Variants in ZNF662 observed in about 807,000 individuals in gnomAD.
ZNF662 encodes zinc finger protein 662.
In ZNF662, 14 loss-of-function variants were observed where a neutral mutation model predicts 12.4. The observed-to-expected ratio is 1.13, with a 90% CI of 0.75 to 1.77. ZNF662 has a LOEUF of 1.77. Ranked by LOEUF, ZNF662 falls within the 40% of genes most tolerant of loss-of-function variation. The probability of loss-of-function intolerance (pLI) is 0.00; values close to 1 mark genes in which losing one functional copy is unlikely to be tolerated. For synonymous variants in ZNF662, 184 were observed against 176.4 expected, an observed-to-expected ratio of 1.04 and a Z score of -0.34; for missense variants, 550 against 515.6, an observed-to-expected ratio of 1.07 and a Z score of -0.65.
Position 42,915,519 on chromosome 3 carries a change from G to C in ZNF662, c.*165G>C. 2 of 623,776 alleles carry C rather than the reference G, an allele frequency of 3.2e-6. No individual in the cohort carries two copies. Among genetic ancestry groups the C allele is most frequent in the Non-Finnish European group, 5.3e-6 (2 of 378,036 alleles). The allele number at this position is 623,776 out of a possible 1,614,324, so 38.6% of individuals were successfully genotyped here. A position where few individuals can be genotyped will look rare whatever the true frequency, so the allele number is the denominator to read the frequency against. On this transcript the variant is annotated 3_prime_UTR_variant, in exon 5 of 5. Transcript: ENST00000440367. ...GTACTCTAGCAAGACTGGTCCCTCT[G>C]TTCTATGATGTTTTAACAAGGCATC...
At position 42,914,379 on chromosome 3, in the gene ZNF662, T is replaced by C. The variant is rs1460152514; in HGVS notation, c.306T>C (p.Ile102=). 1 of 1,608,420 alleles carries C rather than the reference T, an allele frequency of 6.2e-7. No individual in the cohort carries two copies. The highest frequency in any genetic ancestry group is 2.2e-5 in the East Asian group (1 of 44,852). ...ATTTTATTCTGAAGGAGGAAATTAT[T>C]GAGGAAGCACAGGACCTCATGGTCC... is the stretch of plus-strand genomic sequence containing the variant. ...KEDFILKEEI[I]EEAQDLMVLS... is the part of the protein sequence containing the mutation. The change falls in exon 5 of 5, where the codon ATT becomes ATC. Residue 102 remains isoleucine (I), a synonymous_variant. Coordinates refer to ENST00000440367, the MANE Select transcript of ZNF662 (RefSeq NM_207404.4).
rs778875901 is a variant in ZNF662 at position 42,914,768 on chromosome 3, G to T, written c.695G>T (p.Arg232Leu). 3.7e-6 allele frequency: 6 copies of T among 1,612,902 alleles called. No individual in the cohort carries two copies. The Admixed American group carries it at 5.0e-5, about 13-fold the overall frequency. ...CKECGKAFSF[R>L]SHCIAHQRIH... Reference sequence around the variant, plus strand: ...GAATGTGGGAAGGCTTTCAGTTTTCGATCACATTGCATTGCACATCAGAGA... The same window carrying T: ...GAATGTGGGAAGGCTTTCAGTTTTCTATCACATTGCATTGCACATCAGAGA... Residue 232 changes from arginine (R) to leucine (L), a missense_variant, in exon 5 of 5, where the codon CGA becomes CTA. Physicochemically the swap from Arg to Leu is moderately radical, Grantham distance 102 (BLOSUM62 -2). Transcript: ENST00000440367.
At chr3:42,909,946 G>A (rs1159732332) in intron 3 of ZNF662, among the ~76,000 whole-genome samples, 3 of 152,138 alleles carry the variant, frequency 2.0e-5, no homozygotes, top group African/African-American at 4.8e-5. Context: ...CTTCCTAGAC[G>A]GGGTGGCGGC....
chr3:42,915,257 A>G lies in ZNF662; in HGVS notation c.1184A>G (p.Lys395Arg), dbSNP rs2088885828. Residue 395 changes from lysine (K) to arginine (R), a missense_variant, in exon 5 of 5, where the codon AAG becomes AGG. Coordinates refer to ENST00000440367, the MANE Select transcript of ZNF662 (RefSeq NM_207404.4). ...CCCTATAAATGTAATGACTGTGGGA[A>G]GGCCTTCAGTCAGAATTCTGTCTTA... ...ERPYKCNDCG[K>R]AFSQNSVLIK... is the part of the protein sequence containing the mutation. 2 of 1,613,920 alleles carry G rather than the reference A, an allele frequency of 1.2e-6. No homozygotes were observed. Among genetic ancestry groups the G allele is most frequent in the Admixed American group, 1.7e-5 (1 of 59,996 alleles).
At position 42,906,872 on chromosome 3, in the gene ZNF662, G is replaced by A. The variant is rs1413795939; in HGVS notation, c.-94+704G>A. On this transcript the variant is annotated intron_variant, in intron 1 of 4. Coordinates refer to ENST00000440367, the MANE Select transcript of ZNF662 (RefSeq NM_207404.4). This position sits in a 1 kb window ranked among gnomAD's most constrained non-coding sequence, Gnocchi z 4.4. ...TTCCCAATGCAATGGTGAGAGGATC[G>A]GAGATGAGAGTGGTGGTGGCTGATG... Among the ~76,000 whole-genome samples, 2 of 152,220 alleles carry A rather than the reference G, an allele frequency of 1.3e-5. No individual in the cohort carries two copies. The highest frequency in any genetic ancestry group is 4.8e-5 in the African/African-American group (2 of 41,458).
At chr3:42,908,308 A>C in intron 2 of ZNF662, 160 bp downstream of exon 2, 1 of 1,418,514 alleles carries the variant, frequency 7.0e-7, no homozygotes, top group Non-Finnish European at 9.2e-7. Flanking sequence ...GAAAGTAGGA[A>C]GTCCTGGTAT....
rs1214279251 is a variant in ZNF662, at chr3:42,917,461, A to G, written c.*2107A>G. On this transcript the variant is annotated 3_prime_UTR_variant, in exon 5 of 5. Coordinates refer to ENST00000440367, the MANE Select transcript of ZNF662 (RefSeq NM_207404.4). ...TTTCTGTTAAAAGGGGAGATTCTCA[A>G]GCTTCCAGGTGCTACCATATGGAGC... 8.8e-6 allele frequency: 6 copies of G among 682,654 alleles called. No individual in the cohort carries two copies. Among genetic ancestry groups the G allele is most frequent in the Admixed American group, 2.3e-5 (1 of 43,366 alleles). The allele number at this position is 682,654 out of a possible 1,614,324, so 42.3% of individuals were successfully genotyped here.
rs113549106 is a variant in ZNF662, at chr3:42,906,219, G to A, written c.-94+51G>A. 6.1e-3 allele frequency: 4,632 copies of A among 755,958 alleles called. 47 individuals carry two copies. The highest frequency in any genetic ancestry group is 0.046 in the Middle Eastern group (120 of 2,618). 46.8% of individuals were successfully genotyped at this position (755,958 alleles called of 1,614,324 possible). A position where few individuals can be genotyped will look rare whatever the true frequency, so the allele number is the denominator to read the frequency against. ...GGGGCGGGCAGGGAGTGGAGTCGGG[G>A]TCTTACTCCGGTGGCTGCAGGGCGC... On this transcript the variant is annotated intron_variant, in intron 1 of 4. Coordinates refer to ENST00000440367, the MANE Select transcript of ZNF662 (RefSeq NM_207404.4). The surrounding 1 kb of genome is among the most constrained non-coding windows in gnomAD (Gnocchi z 4.4).
In ZNF662 at chr3:42,917,578, T is replaced by C. The variant is rs1487624209; in HGVS notation, c.*2224T>C. On this transcript the variant is annotated 3_prime_UTR_variant, in exon 5 of 5. Transcript: ENST00000440367. Reference sequence around the variant, plus strand: ...TCTTTTGAGCCACTAGACCAAGCTTTACCTGAAGCAGAGCTACCTCAGAAC... The same window carrying C: ...TCTTTTGAGCCACTAGACCAAGCTTCACCTGAAGCAGAGCTACCTCAGAAC... 1.4e-6 allele frequency: 1 copy of C among 701,550 alleles called. No homozygotes were observed. Among genetic ancestry groups the C allele is most frequent in the East Asian group, 2.7e-5 (1 of 37,290 alleles). 43.5% of individuals were successfully genotyped at this position (701,550 alleles called of 1,614,324 possible).
In ZNF662 at chr3:42,912,720, AT is replaced by A. The variant is rs1193491087; in HGVS notation, c.152-475del. ...TTTATATATATAAATATATATATAT[AT>A]TTTTTATATATATAAATATATATAT... On this transcript the variant is annotated intron_variant, in intron 3 of 4. Transcript: ENST00000440367. Among the ~76,000 whole-genome samples, 255 of 66,392 alleles carry A rather than the reference AT, an allele frequency of 3.8e-3. 5 individuals carry two copies. The highest frequency in any genetic ancestry group is 0.013 in the African/African-American group (231 of 17,184). The allele number at this position is 66,392 out of a possible 152,430, so 43.6% of individuals were successfully genotyped here.
rs1176997027 is a variant in ZNF662 at position 42,918,907 on chromosome 3, G to A, written c.*3553G>A. On this transcript the variant is annotated 3_prime_UTR_variant, in exon 5 of 5. Transcript: ENST00000440367. ...AGCTAAAAAAAATCCTAAGGCTGCT[G>A]ACACACCCAGATAACTGGTAGCTAT... Among the ~76,000 whole-genome samples the A allele has an allele frequency of 1.3e-5, 2 of 152,184 alleles. No individual in the cohort carries two copies. Among genetic ancestry groups the A allele is most frequent in the Admixed American group, 6.5e-5 (1 of 15,282 alleles).
rs373449941 is a variant in ZNF662 at position 42,912,693 on chromosome 3, A to T, written c.152-508A>T. Among the ~76,000 whole-genome samples, 72 of 53,072 alleles carry T rather than the reference A, an allele frequency of 1.4e-3. 3 individuals carry two copies. The highest frequency in any genetic ancestry group is 3.2e-3 in the African/African-American group (44 of 13,542). 34.8% of individuals were successfully genotyped at this position (53,072 alleles called of 152,430 possible). A position where few individuals can be genotyped will look rare whatever the true frequency, so the allele number is the denominator to read the frequency against. On this transcript the variant is annotated intron_variant, in intron 3 of 4. Transcript: ENST00000440367. ...TTTTTATATATATAAATATATATATATTTTATATATATAAATATATATATA... is the reference window on the plus strand; with the variant it reads ...TTTTTATATATATAAATATATATATTTTTTATATATATAAATATATATATA...
Position 42,906,510 on chromosome 3 carries a change from G to T in ZNF662, c.-94+342G>T. The T allele has an allele frequency of 4.5e-6, 6 of 1,331,908 alleles. No homozygotes were observed. Among genetic ancestry groups the T allele is most frequent in the South Asian group, 1.6e-5 (1 of 60,736 alleles). The allele number at this position is 1,331,908 out of a possible 1,614,324, so 82.5% of individuals were successfully genotyped here. ...TGGGTTCTAGGCCCGGAGACGGGGT[G>T]GTGCGGCGGCTGGGAAATGGGGGTA... On this transcript the variant is annotated intron_variant, in intron 1 of 4. Transcript: ENST00000440367. The surrounding 1 kb of genome is among the most constrained non-coding windows in gnomAD (Gnocchi z 4.4).
Position 42,914,913 on chromosome 3 carries a change from A to G in ZNF662, c.840A>G (p.Glu280=), listed in dbSNP as rs1469565075. ...HTGEKPFECK[E]CGKGFSQNTS... ...GAGAGAAACCCTTTGAATGTAAGGA[A>G]TGTGGGAAGGGCTTTAGTCAGAACA... is the stretch of plus-strand genomic sequence containing the variant. The change falls in exon 5 of 5, where the codon GAA becomes GAG. Residue 280 remains glutamate, a synonymous_variant. Transcript: ENST00000440367. 6.2e-7 allele frequency: 1 copy of G among 1,614,220 alleles called. No homozygotes were observed. Among genetic ancestry groups the G allele is most frequent in the South Asian group, 1.1e-5 (1 of 91,082 alleles).
At chr3:42,908,627 C>T (rs1452307966) in intron 2 of ZNF662, 166 bp from the exon 3 acceptor site, 7 of 1,463,228 alleles carry the variant, frequency 4.8e-6, no homozygotes, top group Non-Finnish European at 6.3e-6. Flanking sequence ...CTTTGTAAGT[C>T]TCCTGGCCCC....
chr3:42,912,669 T>TA (rs1380404569), intron 3 of ZNF662, among the ~76,000 whole-genome samples: 6 of 54,250 alleles, frequency 1.1e-4, no homozygotes, highest in Non-Finnish European at 1.6e-4. Context: ...TATATATATT[T>TA]TTTATATATA....
chr3:42,915,445 CCTTAA>C lies in ZNF662; in HGVS notation c.*97_*101del. Reference sequence around the variant, plus strand: ...ATGACCATTCACAATTTGCTGTAACCCTTAACTTAAATAGCCAGTATTATCTTGCC... The same window carrying C: ...ATGACCATTCACAATTTGCTGTAACCCTTAAATAGCCAGTATTATCTTGCC... On this transcript the variant is annotated 3_prime_UTR_variant, in exon 5 of 5. Transcript: ENST00000440367. The C allele has an allele frequency of 7.9e-6, 10 of 1,260,720 alleles. No individual in the cohort carries two copies. The highest frequency in any genetic ancestry group is 9.8e-6 in the Non-Finnish European group (9 of 913,758). 78.1% of individuals were successfully genotyped at this position (1,260,720 alleles called of 1,614,324 possible). A position where few individuals can be genotyped will look rare whatever the true frequency, so the allele number is the denominator to read the frequency against.
Position 42,908,017 on chromosome 3 carries a change from T to A in ZNF662, c.-93-5T>A, listed in dbSNP as rs1190409887. On this transcript the variant is annotated splice_region_variant and splice_polypyrimidine_tract_variant and intron_variant, in intron 1 of 4. Coordinates refer to ENST00000440367, the MANE Select transcript of ZNF662 (RefSeq NM_207404.4). ...CCTAGGGCATTTAAACACATGTTGTTTCAGGAGTCAGTGACCTTCGAGGAT... is the reference window on the plus strand; with the variant it reads ...CCTAGGGCATTTAAACACATGTTGTATCAGGAGTCAGTGACCTTCGAGGAT... 2 of 1,614,138 alleles carry A rather than the reference T, an allele frequency of 1.2e-6. No homozygotes were observed. The highest frequency in any genetic ancestry group is 2.2e-5 in the South Asian group (2 of 91,074).
intron 3 of ZNF662, among the ~76,000 whole-genome samples, chr3:42,912,693 AT>A (rs55883208): frequency 1.5e-4 from 8 of 53,058 alleles, no homozygotes; most frequent in East Asian, 1.2e-3. Context: ...ATATATATAT[AT>A]TTTATATATA....
Sources: gnomAD v4.1 joint callset for allele counts (sites outside exome capture counted in the v4.1 genomes callset) on GRCh38, gnomAD v4.1.1 for gene constraint, Gnocchi (gnomAD v3.1) non-coding constraint, MANE v1.5 for transcripts, NCBI Gene and HGNC (gene_info 2026-07-23, HGNC 2026-07-21) for gene names.